Variants in GUCY2D observed in about 807,000 individuals in gnomAD.
GUCY2D encodes the protein retinal guanylyl cyclase 1.
In GUCY2D, 70 loss-of-function variants were observed where a neutral mutation model predicts 101.3. The observed-to-expected ratio is 0.69, with a 90% CI of 0.57 to 0.84. The LOEUF (loss-of-function observed/expected upper bound fraction) is 0.84, where lower values mean the gene tolerates loss of function less well. Among genes scored for constraint, GUCY2D ranks in the 40% least tolerant of loss-of-function variants. The pLI, the probability that GUCY2D is intolerant of heterozygous loss-of-function variation, is 0.00. For synonymous variants in GUCY2D, 688 were observed against 670.7 expected (o/e 1.03, Z -0.40); for missense variants, 1,460 against 1,542.5 (o/e 0.95, Z 0.90).
In GUCY2D at chr17:8,003,666, G is replaced by A; in HGVS notation, c.619G>A (p.Ala207Thr). The change falls in exon 2 of 20, where the codon GCC becomes ACC. Residue 207 changes from alanine (A) to threonine (T), a missense_variant. Physicochemically the swap from Ala to Thr is moderately conservative, Grantham distance 58 (BLOSUM62 0). Transcript: ENST00000254854. ...ACGCTCACTGTCCACGGCACTCAGG[G>A]CCCGGGGCCTGCCTGTCGCCTCCGT... The part of the protein sequence containing the change: ...AGRSLSTALR[A>T]RGLPVASVTS... 1 of 1,595,712 alleles carries A rather than the reference G, an allele frequency of 6.3e-7. No homozygotes were observed. The highest frequency in any genetic ancestry group is 8.5e-7 in the Non-Finnish European group (1 of 1,178,392).
At position 8,012,602 on chromosome 17, in the gene GUCY2D, G is replaced by A. The variant is rs56130505; in HGVS notation, c.2109G>A (p.Ala703=). The change falls in exon 10 of 20, where the codon GCG becomes GCA. Residue 703 remains alanine, a synonymous_variant. Transcript: ENST00000254854. ...AGGTGCTACCGGAGCCTCCCAGAGC[G>A]GAGGGTAAGAGTCCCCTGTGCAGAC... ...AQKVLPEPPR[A]EDQLWTAPEL... The A allele has an allele frequency of 0.096, 154,144 of 1,611,898 alleles. 8,406 individuals carry two copies. Among genetic ancestry groups the A allele is most frequent in the African/African-American group, 0.19 (14,262 of 74,926 alleles).
At chr17:8,012,672 C>T in intron 10 of GUCY2D, 66 bp downstream of exon 10, 1 of 1,280,242 alleles carries the variant, frequency 7.8e-7, no homozygotes, top group Non-Finnish European at 1.1e-6. Flanking sequence ...TTCTCCCCCG[C>T]TTCCTCCCTA....
chr17:8,019,560 C>G (rs1247530298), intron 19 of GUCY2D, among the ~76,000 whole-genome samples: 2 of 152,126 alleles, frequency 1.3e-5, no homozygotes, highest in East Asian at 3.9e-4. Flanking sequence ...TTGGGGAACC[C>G]CCACCCCAGA....
At chr17:8,010,819 A>AAG (rs1244377931) in intron 8 of GUCY2D, among the ~76,000 whole-genome samples, 1 of 151,754 alleles carries the variant, frequency 6.6e-6, no homozygotes, top group East Asian at 1.9e-4. Context: ...AAAAAAAAAA[A>AAG]AAAAAAAGGA....
In GUCY2D at chr17:8,012,554, C is replaced by T. The variant is rs140366544; in HGVS notation, c.2061C>T (p.His687=). 4.8e-5 allele frequency: 78 copies of T among 1,613,854 alleles called. No homozygotes were observed. In the Middle Eastern group the frequency reaches 4.9e-4, roughly 10 times the overall value. ...TACTCAAGATCACTGACCACGGCCA[C>T]GGGAGACTGCTGGAAGCACAGAAGG... ...RFVLKITDHG[H]GRLLEAQKVL... is the part of the protein sequence containing the mutation. Residue 687 remains histidine, a synonymous_variant, in exon 10 of 20, where the codon CAC becomes CAT. Transcript: ENST00000254854.
Position 8,003,070 on chromosome 17 carries a change from C to T in GUCY2D, c.23C>T (p.Ala8Val), listed in dbSNP as rs1485169567. The change falls in exon 2 of 20, where the codon GCG becomes GTG. Residue 8 changes from alanine to valine, a missense_variant. Physicochemically the swap from Ala to Val is moderately conservative, Grantham distance 64. Transcript: ENST00000254854. ...GCAATGACCGCCTGCGCCCGCCGAG[C>T]GGGTGGGCTTCCGGACCCCGGGCTC... The part of the protein sequence containing the change: MTACARR[A>V]GGLPDPGLCG... The T allele has an allele frequency of 6.6e-7, 1 of 1,526,200 alleles. No homozygotes were observed. The highest frequency in any genetic ancestry group is 8.7e-7 in the Non-Finnish European group (1 of 1,143,136). 94.5% of individuals were successfully genotyped at this position (1,526,200 alleles called of 1,614,324 possible). A position where few individuals can be genotyped will look rare whatever the true frequency, so the allele number is the denominator to read the frequency against.
rs1002232336 is a variant in GUCY2D at position 8,012,999 on chromosome 17, G to A, written c.2114-104G>A. ...GTCTCAGGTTGCAGGGTCTCAGACC[G>A]GTCTCAGGCTGCAGGGTTGGTGGTG... On this transcript the variant is annotated intron_variant, in intron 10 of 19. Coordinates refer to ENST00000254854, the MANE Select transcript of GUCY2D (RefSeq NM_000180.4). The A allele has an allele frequency of 1.0e-4, 104 of 1,025,010 alleles. No homozygotes were observed. The East Asian group carries it at 1.3e-3, about 13-fold the overall frequency. 63.5% of individuals were successfully genotyped at this position (1,025,010 alleles called of 1,614,324 possible).
chr17:8,009,850 C>T (rs912323534), intron 8 of GUCY2D, among the ~76,000 whole-genome samples: 2 of 152,150 alleles, frequency 1.3e-5, no homozygotes, highest in South Asian at 4.2e-4. Context: ...GCGTTACATG[C>T]CTGTAGTCCC....
chr17:8,015,075 C>T (rs2151803530), intron 14 of GUCY2D, 24 bp downstream of exon 14: 1 of 1,597,418 alleles, frequency 6.3e-7, no homozygotes, highest in East Asian at 2.2e-5. Context: ...GGGACAAGCC[C>T]TCCTGACCTT....
rs541055967 is a variant in GUCY2D, at chr17:8,015,729, C to T, written c.2945-14C>T. 5 of 1,592,308 alleles carry T rather than the reference C, an allele frequency of 3.1e-6. No homozygotes were observed. Among genetic ancestry groups the T allele is most frequent in the African/African-American group, 2.7e-5 (2 of 74,568 alleles). On this transcript the variant is annotated splice_polypyrimidine_tract_variant and intron_variant, in intron 15 of 19. Coordinates refer to ENST00000254854, the MANE Select transcript of GUCY2D (RefSeq NM_000180.4). ...CGGCCCTGCTAGCCCCGCCGACCCC[C>T]AGCATCTCCACAGGTCCATGCGTGG... is the stretch of plus-strand genomic sequence containing the variant.
At chr17:8,009,737 G>A (rs763914758) in intron 8 of GUCY2D, 151 bp downstream of exon 8, 11 of 693,814 alleles carry the variant, frequency 1.6e-5, no homozygotes, top group Non-Finnish European at 2.9e-5. Context: ...CACTTTGAGA[G>A]GCAGATGTGA....
At chr17:8,009,447 G>A (rs1975806581) in intron 7 of GUCY2D, 59 bp from the exon 8 acceptor site, 2 of 1,053,204 alleles carry the variant, frequency 1.9e-6, no homozygotes, top group Non-Finnish European at 3.0e-6. Flanking sequence ...GGGTTCTAGG[G>A]CTCCCCATCG....
At chr17:8,017,132 C>T (rs529180514) in intron 19 of GUCY2D, among the ~76,000 whole-genome samples, 1 of 152,184 alleles carries the variant, frequency 6.6e-6, no homozygotes, top group African/African-American at 2.4e-5. Flanking sequence ...GGATTTTGGG[C>T]CTTTTACAAG....
Position 8,015,431 on chromosome 17 carries a change from G to T in GUCY2D, c.2873G>T (p.Ser958Ile), listed in dbSNP as rs1243279091. The T allele has an allele frequency of 6.2e-7, 1 of 1,613,840 alleles. No individual in the cohort carries two copies. The highest frequency in any genetic ancestry group is 1.3e-5 in the African/African-American group (1 of 74,952). The change falls in exon 15 of 20, where the codon AGT becomes ATT. Residue 958 changes from serine to isoleucine, a missense_variant. Physicochemically the swap from Ser to Ile is moderately radical, Grantham distance 142. This residue lies in a region of GUCY2D where 215 missense variants were observed against 227.9 expected (regional missense o/e 0.94). Coordinates refer to ENST00000254854, the MANE Select transcript of GUCY2D (RefSeq NM_000180.4). ...GCCAACATGTCACTGGACATCCTCA[G>T]TGCCGTGGGCACTTTCCGCATGCGC... ...EIANMSLDILSAVGTFRMRHM... is the reference protein window; with the variant it reads ...EIANMSLDILIAVGTFRMRHM...
chr17:8,012,897 G>A (rs1395899753), intron 10 of GUCY2D, among the ~76,000 whole-genome samples: 1 of 152,186 alleles, frequency 6.6e-6, no homozygotes, highest in Non-Finnish European at 1.5e-5. Context: ...CCTTCCCTGG[G>A]CACCACCTTT....
rs1248938251 is a variant in GUCY2D at position 8,004,084 on chromosome 17, A to AGGCAGCGTGCTG, written c.956_967dup (p.Gly319_Leu322dup). ...CCCTCACGCGCCACTGTCCCTCTGA[A>AGGCAGCGTGCTG]GGCAGCGTGCTGGACAGCCTGCGCA... On this transcript the variant is annotated inframe_insertion, in exon 3 of 20. Transcript: ENST00000254854. 1 of 1,604,450 alleles carries AGGCAGCGTGCTG rather than the reference A, an allele frequency of 6.2e-7. No individual in the cohort carries two copies. Among genetic ancestry groups the AGGCAGCGTGCTG allele is most frequent in the Non-Finnish European group, 8.5e-7 (1 of 1,179,826 alleles).
At chr17:8,004,252 T>C in intron 3 of GUCY2D, 96 bp downstream of exon 3, 1 of 1,137,534 alleles carries the variant, frequency 8.8e-7, no homozygotes, top group Non-Finnish European at 1.2e-6. Flanking sequence ...AAAGAACCAC[T>C]GGCAGCTCTA....
intron 19 of GUCY2D, among the ~76,000 whole-genome samples, chr17:8,019,041 T>C (rs1219598825): frequency 1.3e-5 from 2 of 152,160 alleles, no homozygotes; most frequent in African/African-American, 4.8e-5. Context: ...AATTAAAGAT[T>C]AAAAACAAAA....
chr17:8,006,952 G>A, intron 4 of GUCY2D, 108 bp from the exon 5 acceptor site: 1 of 948,394 alleles, frequency 1.1e-6, no homozygotes, highest in South Asian at 1.3e-5. Flanking sequence ...AGCCTCTCTG[G>A]GCCCCCATCC....
Sources: gnomAD v4.1 joint callset for allele counts (sites outside exome capture counted in the v4.1 genomes callset) on GRCh38, gnomAD v4.1.1 for gene constraint, gnomAD v4.1.1 regional missense constraint, MANE v1.5 for transcripts, NCBI Gene and HGNC (gene_info 2026-07-23, HGNC 2026-07-21) for gene names.